Variants in MROH1 observed in about 807,000 individuals in gnomAD.
The protein encoded by MROH1 is maestro heat like repeat family member 1.
A neutral mutation model predicts 116.5 loss-of-function variants in MROH1; 117 were observed. That is an observed-to-expected ratio of 1.00 (90% CI 0.86 to 1.17). MROH1 has a LOEUF of 1.17. Ranked by LOEUF, MROH1 falls within the 50% of genes most tolerant of loss-of-function variation. The pLI, the probability that MROH1 is intolerant of heterozygous loss-of-function variation, is 0.00. For synonymous variants in MROH1, 921 were observed against 583.9 expected, an observed-to-expected ratio of 1.58 and a Z score of -8.32; for missense variants, 1,873 against 1,338.5, an observed-to-expected ratio of 1.40 and a Z score of -6.23.
intron 1 of MROH1, among the ~76,000 whole-genome samples, chr8:144,160,492 T>C (rs1341728710): frequency 1.3e-5 from 2 of 152,250 alleles, no homozygotes; most frequent in Non-Finnish European, 2.9e-5. Flanking sequence ...CAATGCATTA[T>C]CACAAACTTA....
At chr8:144,172,085 C>T (rs1822588404) in intron 4 of MROH1, among the ~76,000 whole-genome samples, 1 of 151,934 alleles carries the variant, frequency 6.6e-6, no homozygotes, top group Non-Finnish European at 1.5e-5. Flanking sequence ...GATAGTGGGC[C>T]CTGAAGGAAA....
intron 1 of MROH1, 89 bp downstream of exon 1, chr8:144,148,165 TGGC>T (rs1453645440): frequency 2.0e-5 from 3 of 152,114 alleles, no homozygotes; most frequent in Non-Finnish European, 2.9e-5. Context: ...GCGGCTCCCT[TGGC>T]GGGGCCGCGG....
chr8:144,227,831 A>G (rs1451190498), intron 14 of MROH1, among the ~76,000 whole-genome samples: 1 of 151,910 alleles, frequency 6.6e-6, no homozygotes, highest in Non-Finnish European at 1.5e-5. Context: ...CTCATGCCTC[A>G]GGTCCCAGCC....
chr8:144,151,596 G>T (rs941617643), intron 1 of MROH1, among the ~76,000 whole-genome samples: 1 of 152,212 alleles, frequency 6.6e-6, no homozygotes, highest in Non-Finnish European at 1.5e-5. Flanking sequence ...ATCCGACTCT[G>T]CCGGTACACC....
At chr8:144,148,738 G>A (rs1281950411) in intron 1 of MROH1, 1 of 152,656 alleles carries the variant, frequency 6.6e-6, no homozygotes, top group African/African-American at 2.4e-5. Flanking sequence ...TCGGATTTTC[G>A]GGCAGCGTCA....
chr8:144,179,814 C>A (rs1825089472), intron 5 of MROH1, among the ~76,000 whole-genome samples: 1 of 152,196 alleles, frequency 6.6e-6, no homozygotes, highest in Non-Finnish European at 1.5e-5. Context: ...GAACTCAGCA[C>A]ACGCAGGACC....
At chr8:144,167,583 G>T (rs916288343) in intron 3 of MROH1, among the ~76,000 whole-genome samples, 1 of 151,712 alleles carries the variant, frequency 6.6e-6, no homozygotes, top group Non-Finnish European at 1.5e-5. Flanking sequence ...GGGGTGGAGT[G>T]GCTGGTTGTC....
At chr8:144,256,768 G>A (rs1047701861) in intron 35 of MROH1, among the ~76,000 whole-genome samples, 43 of 152,374 alleles carry the variant, frequency 2.8e-4, no homozygotes, top group African/African-American at 9.6e-4. Context: ...ACACAAACAA[G>A]GGAGGCACCC....
intron 4 of MROH1, among the ~76,000 whole-genome samples, chr8:144,171,444 T>C (rs1416800971): frequency 2.0e-5 from 3 of 152,204 alleles, no homozygotes; most frequent in African/African-American, 4.8e-5. Flanking sequence ...CTGCGTGGGT[T>C]CCGCTACCGG....
chr8:144,192,602 G>C, intron 10 of MROH1: 1 of 701,042 alleles, frequency 1.4e-6, no homozygotes. Flanking sequence ...GGCACATGCA[G>C]GTGACATAGC....
chr8:144,151,120 C>T (rs957254255), intron 1 of MROH1, among the ~76,000 whole-genome samples: 5 of 151,598 alleles, frequency 3.3e-5, no homozygotes, highest in African/African-American at 7.3e-5. Flanking sequence ...TGGCGGTGGG[C>T]GCCTGTAATC....
At chr8:144,166,179 C>A (rs72695446) in intron 3 of MROH1, among the ~76,000 whole-genome samples, 4,404 of 152,310 alleles carry the variant, frequency 0.029, 88 homozygotes, top group Middle Eastern at 0.048. Flanking sequence ...GCGCCCGACC[C>A]CATCAAGCAT....
intron 1 of MROH1, among the ~76,000 whole-genome samples, chr8:144,150,856 G>A (rs971307806): frequency 5.3e-5 from 8 of 152,176 alleles, no homozygotes; most frequent in African/African-American, 1.9e-4. Flanking sequence ...CCACCACCAT[G>A]GACCTAGATG....
intron 12 of MROH1, among the ~76,000 whole-genome samples, chr8:144,215,969 G>A (rs910101983): frequency 7.9e-5 from 12 of 151,782 alleles, no homozygotes; most frequent in African/African-American, 2.9e-4. Context: ...CGGATCACCT[G>A]CGGTCAGGAG....
chr8:144,259,451 G>A (rs1045496341), intron 37 of MROH1, 97 bp downstream of exon 37: 69 of 704,208 alleles, frequency 9.8e-5, no homozygotes, highest in Middle Eastern at 3.6e-4. Flanking sequence ...AGGCCCCCTC[G>A]ACCGTGGTCT....
At chr8:144,198,066 A>G (rs1398331518) in intron 10 of MROH1, among the ~76,000 whole-genome samples, 3 of 144,666 alleles carry the variant, frequency 2.1e-5, no homozygotes, top group Non-Finnish European at 4.5e-5. Context: ...AAAAAAAAAG[A>G]AAGAAAAATA....
chr8:144,200,596 C>A, intron 12 of MROH1, 55 bp downstream of exon 12: 1 of 1,198,788 alleles, frequency 8.3e-7, no homozygotes, highest in Non-Finnish European at 1.2e-6. Flanking sequence ...CAGGATGGAG[C>A]AGGTCCTGGC....
chr8:144,256,461 T>G (rs1843821146), intron 35 of MROH1, among the ~76,000 whole-genome samples: 1 of 150,596 alleles, frequency 6.6e-6, no homozygotes, highest in Admixed American at 6.6e-5. Flanking sequence ...CCCCTCCCCC[T>G]GCCCCAGCAC....
chr8:144,258,225 C>G (rs1041076223), intron 35 of MROH1, among the ~76,000 whole-genome samples: 8 of 152,300 alleles, frequency 5.3e-5, no homozygotes, highest in Admixed American at 5.2e-4. Context: ...CAAGGTGGCC[C>G]CCATTGCACG....
Sources: allele counts gnomAD v4.1 joint callset (sites outside exome capture counted in the v4.1 genomes callset), GRCh38; gene constraint gnomAD v4.1.1; transcripts MANE v1.5; gene names NCBI Gene and HGNC (gene_info 2026-07-23, HGNC 2026-07-21).